TRAM2: variants seen among roughly 807,000 people sequenced by gnomAD.
The protein encoded by TRAM2 is translocating chain-associated membrane protein 2.
A neutral mutation model predicts 51.0 loss-of-function variants in TRAM2; 12 were observed. The ratio of observed to expected loss-of-function variants is 0.24; its 90% CI spans 0.15 to 0.38. The LOEUF is 0.38. TRAM2 is among the 10% of genes least tolerant of loss of function. The pLI is 1.00. For synonymous variants in TRAM2, 175 were observed against 179.4 expected, an observed-to-expected ratio of 0.98 and a Z score of 0.20; for missense variants, 361 against 462.0, an observed-to-expected ratio of 0.78 and a Z score of 2.00.
rs531034081 is a variant in TRAM2 at position 52,526,993 on chromosome 6, CT to C, written c.184+8789del. Among the ~76,000 whole-genome samples the C allele has an allele frequency of 5.5e-3, 832 of 151,170 alleles. 7 individuals carry two copies. Among genetic ancestry groups the C allele is most frequent in the Non-Finnish European group, 8.0e-3 (541 of 67,738 alleles). ...ACAAAAAAATTTTTTTTAATTAAGG[CT>C]TTTTTTTTAAACTTACAGAAAAAAT... On this transcript the variant is annotated intron_variant, in intron 2 of 10. Transcript: ENST00000182527.
intron 1 of TRAM2, 137 bp from the exon 2 acceptor site, chr6:52,535,983 G>C: frequency 1.5e-6 from 1 of 656,498 alleles, no homozygotes; most frequent in Non-Finnish European, 2.6e-6. Flanking sequence ...TGCAGAGTTA[G>C]CATTAGTTTT....
At chr6:52,570,795 A>ACCCC (rs59879346) in intron 1 of TRAM2, among the ~76,000 whole-genome samples, 19 of 64,226 alleles carry the variant, frequency 3.0e-4, no homozygotes, top group African/African-American at 1.3e-3. Flanking sequence ...CCTGCCCACC[A>ACCCC]CCCCCCCCCC....
At chr6:52,504,867 G>A (rs1028707034) in intron 9 of TRAM2, 113 bp from the exon 10 acceptor site, 13 of 938,626 alleles carry the variant, frequency 1.4e-5, no homozygotes, top group Admixed American at 2.5e-5. Context: ...GGCTTATCAC[G>A]TCCGCCTTCA....
intron 2 of TRAM2, among the ~76,000 whole-genome samples, chr6:52,531,351 C>T (rs1003554014): frequency 6.6e-6 from 1 of 152,176 alleles, no homozygotes; most frequent in African/African-American, 2.4e-5. Context: ...CATTGTCTCT[C>T]TTGATTATTT....
rs754083355 is a variant in TRAM2, at chr6:52,576,927, C to G, written c.-12G>C. 3 of 1,605,432 alleles carry G rather than the reference C, an allele frequency of 1.9e-6. No homozygotes were observed. The highest frequency in any genetic ancestry group is 1.7e-5 in the Admixed American group (1 of 59,050). On this transcript the variant is annotated 5_prime_UTR_variant, in exon 1 of 11. Coordinates refer to ENST00000182527, the MANE Select transcript of TRAM2 (RefSeq NM_012288.4). ...CTGCGGAAAGCCATGGCAGCGGGCG[C>G]GCAGCGGCCGGCGGGGCCCGCACCC...
In TRAM2 at chr6:52,505,735, C is replaced by A; in HGVS notation, c.739G>T (p.Ala247Ser). Residue 247 changes from alanine to serine, a missense_variant, in exon 9 of 11, where the codon GCC becomes TCC. Transcript: ENST00000182527. ...ADENNEKLFS[A>S]WAAVFGVTRL... ...GTAACCCCAAAAACAGCAGCCCAGG[C>A]ACTGAACCTGCTCACAGAGGCAGAA... The A allele has an allele frequency of 6.2e-7, 1 of 1,608,162 alleles. No homozygotes were observed. Among genetic ancestry groups the A allele is most frequent in the Non-Finnish European group, 8.5e-7 (1 of 1,176,834 alleles).
chr6:52,536,193 GAAGACAGAAACTAATAAATA>G (rs1766975045), intron 1 of TRAM2, among the ~76,000 whole-genome samples: 1 of 152,188 alleles, frequency 6.6e-6, no homozygotes, highest in African/African-American at 2.4e-5. Flanking sequence ...CAGCATTGTG[GAAGACAGAAACTAATAAATA>G]AAGTCACAAC....
chr6:52,548,544 G>A (rs891169207), intron 1 of TRAM2, among the ~76,000 whole-genome samples: 1 of 152,202 alleles, frequency 6.6e-6, no homozygotes, highest in Admixed American at 6.5e-5. Flanking sequence ...TTACAGAAAT[G>A]ATCTCACTTA....
Position 52,500,458 on chromosome 6 carries a change from C to A in TRAM2, c.*2739G>T, listed in dbSNP as rs899903417. 1.3e-5 allele frequency: 2 copies of A among 151,868 alleles called. No homozygotes were observed. The highest frequency in any genetic ancestry group is 2.4e-5 in the African/African-American group (1 of 41,302). 9.4% of individuals were successfully genotyped at this position (151,868 alleles called of 1,614,324 possible). A position where few individuals can be genotyped will look rare whatever the true frequency, so the allele number is the denominator to read the frequency against. Reference sequence around the variant, plus strand: ...ACCCTACAACTACCCTCTAACCACCCCCCCCAAACATCCCTGAAGCCCAGG... The same window carrying A: ...ACCCTACAACTACCCTCTAACCACCACCCCCAAACATCCCTGAAGCCCAGG... On this transcript the variant is annotated 3_prime_UTR_variant, in exon 11 of 11. Transcript: ENST00000182527.
intron 2 of TRAM2, 65 bp from the exon 3 acceptor site, chr6:52,516,802 T>C: frequency 7.9e-6 from 10 of 1,259,834 alleles, no homozygotes; most frequent in Non-Finnish European, 1.2e-5. Flanking sequence ...GACCCAAAAC[T>C]GAAATGAGAT....
intron 2 of TRAM2, chr6:52,529,527 T>A (rs1766847526): frequency 6.6e-6 from 1 of 151,780 alleles, no homozygotes; most frequent in East Asian, 1.9e-4. Context: ...GGCCTGAGAG[T>A]GTGTTTTTCT....
chr6:52,554,536 A>G (rs1194134355), intron 1 of TRAM2, among the ~76,000 whole-genome samples: 4 of 150,528 alleles, frequency 2.7e-5, no homozygotes, highest in African/African-American at 9.8e-5. Context: ...AAAAAAAAAA[A>G]AAGAAAGAAA....
chr6:52,500,435 C>T lies in TRAM2; in HGVS notation c.*2762G>A, dbSNP rs989873590. The T allele has an allele frequency of 6.6e-6, 1 of 151,864 alleles. No individual in the cohort carries two copies. The highest frequency in any genetic ancestry group is 2.4e-5 in the African/African-American group (1 of 41,308). 9.4% of individuals were successfully genotyped at this position (151,864 alleles called of 1,614,324 possible). On this transcript the variant is annotated 3_prime_UTR_variant, in exon 11 of 11. Transcript: ENST00000182527. Reference sequence around the variant, plus strand: ...CAGGGGGAGGGGGGTGACAAAGTACCCTACAACTACCCTCTAACCACCCCC... The same window carrying T: ...CAGGGGGAGGGGGGTGACAAAGTACTCTACAACTACCCTCTAACCACCCCC...
intron 2 of TRAM2, among the ~76,000 whole-genome samples, chr6:52,519,894 C>T (rs1391211503): frequency 6.6e-6 from 1 of 151,518 alleles, no homozygotes; most frequent in African/African-American, 2.4e-5. Context: ...AAGTCAGTCA[C>T]AAAAGGACAA....
intron 1 of TRAM2, among the ~76,000 whole-genome samples, chr6:52,563,442 G>A (rs989404146): frequency 2.0e-5 from 3 of 151,078 alleles, no homozygotes; most frequent in Non-Finnish European, 3.0e-5. Flanking sequence ...ACTTGGGGCC[G>A]GGCGTGGTGG....
chr6:52,573,973 C>G (rs1316759294), intron 1 of TRAM2, among the ~76,000 whole-genome samples: 1 of 152,148 alleles, frequency 6.6e-6, no homozygotes, highest in Non-Finnish European at 1.5e-5. Context: ...CCTGGCTCAG[C>G]TTCCGAATGA....
chr6:52,546,323 T>C (rs374009121), intron 1 of TRAM2, among the ~76,000 whole-genome samples: 1 of 152,170 alleles, frequency 6.6e-6, no homozygotes, highest in African/African-American at 2.4e-5. Context: ...GATATAAAAA[T>C]AGAACTTCAT....
At chr6:52,546,104 G>A (rs1426675960) in intron 1 of TRAM2, among the ~76,000 whole-genome samples, 1 of 152,130 alleles carries the variant, frequency 6.6e-6, no homozygotes, top group African/African-American at 2.4e-5. Context: ...AACTTCACCA[G>A]CAACGTTCTA....
At chr6:52,506,661 C>T (rs1444765314) in intron 7 of TRAM2, among the ~76,000 whole-genome samples, 5 of 152,194 alleles carry the variant, frequency 3.3e-5, no homozygotes, top group African/African-American at 9.7e-5. Context: ...TTCTTAGACC[C>T]GTTATGCATG....
Sources: gnomAD v4.1 joint callset for allele counts (sites outside exome capture counted in the v4.1 genomes callset) on GRCh38, gnomAD v4.1.1 for gene constraint, MANE v1.5 for transcripts, NCBI Gene and HGNC (gene_info 2026-07-23, HGNC 2026-07-21) for gene names.